The following KCNN2 variants were observed in gnomAD, a reference collection of about 807,000 sequenced individuals.
The protein encoded by KCNN2 is small conductance calcium-activated potassium channel protein 2.
A neutral mutation model predicts 55.5 loss-of-function variants in KCNN2; 24 were observed. The observed-to-expected ratio is 0.43, with a 90% CI of 0.31 to 0.61. KCNN2 has a LOEUF of 0.61. KCNN2 is among the 20% of genes least tolerant of loss of function. KCNN2 has a pLI of 0.08. For synonymous variants in KCNN2, 431 were observed against 336.1 expected (o/e 1.28, Z -3.09); for missense variants, 754 against 853.6 (o/e 0.88, Z 1.45).
intron 2 of KCNN2, among the ~76,000 whole-genome samples, chr5:114,228,024 T>C (rs1040823829): frequency 5.4e-4 from 34 of 62,724 alleles, no homozygotes; most frequent in Non-Finnish European, 1.1e-4. Flanking sequence ...ATGATGATGA[T>C]GATGATGAAA....
rs186149598 is a variant in KCNN2, at chr5:114,084,906, T to A, written c.-271+28406T>A. On this transcript the variant is annotated intron_variant, in intron 1 of 10. Coordinates refer to the KCNN2 transcript ENST00000512097. Reference sequence around the variant, plus strand: ...GTCCATTTGTTCTAGCACCATTTTTTAAAAGATTGTCTTCTCCTTTGAATT... The same window carrying A: ...GTCCATTTGTTCTAGCACCATTTTTAAAAAGATTGTCTTCTCCTTTGAATT... 2.1e-4 allele frequency among the ~76,000 whole-genome samples: 32 copies of A among 152,102 alleles called. 1 individual carries two copies. Among genetic ancestry groups the A allele is most frequent in the Admixed American group, 1.4e-3 (22 of 15,256 alleles).
intron 1 of KCNN2, among the ~76,000 whole-genome samples, chr5:114,119,397 C>T (rs1489607561): frequency 1.3e-5 from 2 of 152,174 alleles, no homozygotes; most frequent in African/African-American, 4.8e-5. Context: ...CTTTTAGATA[C>T]GAAGCTTTTT....
chr5:114,337,150 G>A (rs1457967514), intron 2 of KCNN2, among the ~76,000 whole-genome samples: 1 of 152,184 alleles, frequency 6.6e-6, no homozygotes, highest in Non-Finnish European at 1.5e-5. Flanking sequence ...AACAAAGATA[G>A]AGATATCTCA....
chr5:114,068,516 T>C (rs947937726), intron 1 of KCNN2, among the ~76,000 whole-genome samples: 4 of 152,186 alleles, frequency 2.6e-5, no homozygotes, highest in African/African-American at 9.7e-5. Context: ...TTATACTGTT[T>C]CCATGGGTAA....
chr5:114,363,234 C>T lies in KCNN2; in HGVS notation c.1095C>T (p.Thr365=), dbSNP rs749810035. The part of the protein sequence containing the change: ...MFGIVVMVIE[T]ELSWGAYDKA... ...GCATCGTGGTCATGGTCATCGAGAC[C>T]GAGCTGTCGTGGGGCGCCTACGACA... The change falls in exon 1 of 8, where the codon ACC becomes ACT. Residue 365 remains threonine (T), a synonymous_variant. Transcript: ENST00000673685. 10 of 1,612,156 alleles carry T rather than the reference C, an allele frequency of 6.2e-6. No homozygotes were observed. The highest frequency in any genetic ancestry group is 1.6e-4 in the Middle Eastern group (1 of 6,082).
intron 1 of KCNN2, among the ~76,000 whole-genome samples, chr5:114,137,402 T>G (rs555073379): frequency 6.6e-6 from 1 of 152,200 alleles, no homozygotes; most frequent in East Asian, 1.9e-4. Context: ...GCGTATATAC[T>G]TAGTCCTTCA....
chr5:114,261,503 C>T (rs1281808178), intron 2 of KCNN2, among the ~76,000 whole-genome samples: 1 of 152,172 alleles, frequency 6.6e-6, no homozygotes, highest in Non-Finnish European at 1.5e-5. Flanking sequence ...ACACAAAGTG[C>T]TAATCAGGGT....
intron 2 of KCNN2, among the ~76,000 whole-genome samples, chr5:114,236,247 G>T (rs1754490097): frequency 6.6e-6 from 1 of 152,164 alleles, no homozygotes; most frequent in Non-Finnish European, 1.5e-5. Flanking sequence ...ATAATGGCTA[G>T]ATTTCTCTTC....
At chr5:114,071,213 A>G (rs1012873340) in intron 1 of KCNN2, among the ~76,000 whole-genome samples, 2 of 152,198 alleles carry the variant, frequency 1.3e-5, no homozygotes, top group Non-Finnish European at 1.5e-5. Context: ...CTTGGGTGCA[A>G]TAATGCCGGA....
intron 2 of KCNN2, among the ~76,000 whole-genome samples, chr5:114,343,008 G>GT (rs1258376172): frequency 2.0e-5 from 3 of 152,124 alleles, no homozygotes; most frequent in Admixed American, 1.3e-4. Flanking sequence ...CTCCTGATAT[G>GT]TTTTTTTGAG....
intron 1 of KCNN2, among the ~76,000 whole-genome samples, chr5:114,203,377 A>G (rs1000971215): frequency 4.6e-5 from 7 of 152,146 alleles, no homozygotes; most frequent in African/African-American, 9.7e-5. Context: ...GATGCTCACA[A>G]TCTCATCTAA....
At chr5:114,330,057 C>T (rs1179041496) in intron 2 of KCNN2, among the ~76,000 whole-genome samples, 3 of 152,178 alleles carry the variant, frequency 2.0e-5, no homozygotes, top group African/African-American at 7.2e-5. Context: ...GACACCAAAG[C>T]CCCTGTGTGT....
At chr5:114,153,197 T>A (rs1375957394) in intron 1 of KCNN2, among the ~76,000 whole-genome samples, 2 of 152,194 alleles carry the variant, frequency 1.3e-5, no homozygotes, top group Non-Finnish European at 2.9e-5. Context: ...AATATATTCA[T>A]GTTGTCAGGT....
intron 1 of KCNN2, among the ~76,000 whole-genome samples, chr5:114,060,821 A>T (rs1750310393): frequency 6.6e-6 from 1 of 152,236 alleles, no homozygotes; most frequent in Admixed American, 6.5e-5. Flanking sequence ...GTGGAAATTC[A>T]GCTATTATTA....
intron 1 of KCNN2, among the ~76,000 whole-genome samples, chr5:114,174,635 C>G (rs750259187): frequency 9.9e-5 from 15 of 152,042 alleles, no homozygotes; most frequent in Admixed American, 5.2e-4. Flanking sequence ...GCTGCGTTTG[C>G]TCAGGTGCAA....
chr5:114,360,596 G>A (rs1331876995), upstream of KCNN2, among the ~76,000 whole-genome samples: 4 of 152,162 alleles, frequency 2.6e-5, no homozygotes, highest in African/African-American at 9.7e-5. Context: ...GACTTAAGAT[G>A]GAGCAGAAAC....
chr5:114,136,895 A>G (rs1173363426), intron 1 of KCNN2, among the ~76,000 whole-genome samples: 1 of 152,162 alleles, frequency 6.6e-6, no homozygotes, highest in Admixed American at 6.5e-5. Flanking sequence ...CTGATAAATA[A>G]AAGCTTAGGG....
At chr5:114,303,033 C>T (rs1756199387) in intron 2 of KCNN2, among the ~76,000 whole-genome samples, 1 of 152,158 alleles carries the variant, frequency 6.6e-6, no homozygotes, top group Admixed American at 6.5e-5. Flanking sequence ...CGATATACGT[C>T]GATGTACTGA....
chr5:114,315,797 G>A (rs1422451960), intron 2 of KCNN2, among the ~76,000 whole-genome samples: 1 of 152,092 alleles, frequency 6.6e-6, no homozygotes. Context: ...AATAGAAACA[G>A]ATAAAAAGCA....
Sources: allele counts gnomAD v4.1 joint callset (sites outside exome capture counted in the v4.1 genomes callset), GRCh38; gene constraint gnomAD v4.1.1; transcripts MANE v1.5; gene names NCBI Gene and HGNC (gene_info 2026-07-23, HGNC 2026-07-21).